Variants in DCAF8L2 observed in about 807,000 individuals in gnomAD.
DCAF8L2 encodes the protein DDB1- and CUL4-associated factor 8-like protein 2.
For missense variants in DCAF8L2, 430 were observed against 490.7 expected, an observed-to-expected ratio of 0.88 and a Z score of 1.17; for synonymous variants, 200 against 190.9, an observed-to-expected ratio of 1.05 and a Z score of -0.39.
intron 1 of DCAF8L2, among the ~76,000 whole-genome samples, chrX:27,604,352 A>C (rs1602645194): frequency 9.0e-6 from 1 of 111,197 alleles, no homozygotes; most frequent in Non-Finnish European, 1.9e-5. Context: ...AGTGCCAGCC[A>C]AGGAGAAGAT....
intron 1 of DCAF8L2, among the ~76,000 whole-genome samples, chrX:27,591,105 G>C (rs1281776571): frequency 9.4e-6 from 1 of 105,953 alleles, no homozygotes; most frequent in East Asian, 3.0e-4. Context: ...TATCATAAAT[G>C]CTGGGGGTTT....
At chrX:27,554,615 C>T in the DCAF8L2 span, among the ~76,000 whole-genome samples, 10 of 111,987 alleles carry the variant, frequency 8.9e-5, no homozygotes, top group African/African-American at 3.2e-4. Context: ...ATAAGAGAAT[C>T]ACAATTTAGA....
At position 27,748,091 on chromosome X, in the gene DCAF8L2, T is replaced by G. The variant is rs1382438084; in HGVS notation, c.1196T>G (p.Ile399Ser). 8.3e-7 allele frequency: 1 copy of G among 1,209,959 alleles called. No homozygotes were observed. Among genetic ancestry groups the G allele is most frequent in the Non-Finnish European group, 1.1e-6 (1 of 895,169 alleles). Residue 399 changes from isoleucine to serine, a missense_variant, in exon 5 of 5, where the codon ATT becomes AGT. Transcript: ENST00000451261. ...GTAAGGATTTATGACCAGAGGAAAA[T>G]TGATAAGAAAGAAAACAATGGCGTG... ...QFVRIYDQRK[I>S]DKKENNGVLK... is the part of the protein sequence containing the mutation.
At chrX:27,540,257 C>A in the DCAF8L2 span, among the ~76,000 whole-genome samples, 1 of 111,558 alleles carries the variant, frequency 9.0e-6, no homozygotes, top group African/African-American at 3.3e-5. Context: ...TTCCTTCCCT[C>A]TAAACGGTAA....
At chrX:27,569,595 G>T in the DCAF8L2 span, among the ~76,000 whole-genome samples, 117 of 112,085 alleles carry the variant, frequency 1.0e-3, no homozygotes, top group Admixed American at 1.4e-3. Context: ...TATTGACAAA[G>T]ACTGTTTAGA....
chrX:27,599,424 G>T (rs989816252), intron 1 of DCAF8L2, among the ~76,000 whole-genome samples: 3 of 111,380 alleles, frequency 2.7e-5, no homozygotes, highest in African/African-American at 9.8e-5. Flanking sequence ...TATGAAAGAT[G>T]AATAAATTCT....
At chrX:27,608,421 A>C (rs1427211994) in intron 1 of DCAF8L2, among the ~76,000 whole-genome samples, 2 of 112,155 alleles carry the variant, frequency 1.8e-5, no homozygotes, top group East Asian at 5.6e-4. Context: ...TAAAATATTT[A>C]TACTGGTAAA....
At chrX:27,682,780 GAA>G (rs11329822) in intron 3 of DCAF8L2, among the ~76,000 whole-genome samples, 1 of 106,139 alleles carries the variant, frequency 9.4e-6, no homozygotes, top group African/African-American at 3.4e-5. Flanking sequence ...TATTTCTCAA[GAA>G]AAAAAAAATC....
chrX:27,543,110 T>C, the DCAF8L2 span, among the ~76,000 whole-genome samples: 1 of 112,501 alleles, frequency 8.9e-6, no homozygotes, highest in Non-Finnish European at 1.9e-5. Context: ...AGGATTCTTA[T>C]AGTTTGTGAT....
chrX:27,481,834 T>A, the DCAF8L2 span, among the ~76,000 whole-genome samples: 1 of 112,059 alleles, frequency 8.9e-6, no homozygotes, highest in South Asian at 3.7e-4. Context: ...AAAGTCTATG[T>A]GTTAGGATGA....
chrX:27,732,334 C>T (rs887196886), intron 4 of DCAF8L2, among the ~76,000 whole-genome samples: 3 of 111,103 alleles, frequency 2.7e-5, no homozygotes, highest in African/African-American at 6.6e-5. Context: ...CTATGTATTC[C>T]GCTTTTTTTA....
chrX:27,499,166 T>C, the DCAF8L2 span, among the ~76,000 whole-genome samples: 2 of 112,538 alleles, frequency 1.8e-5, no homozygotes, highest in African/African-American at 6.5e-5. Context: ...CCATAGAGGC[T>C]GCATTAATTT....
At chrX:27,489,309 G>A in the DCAF8L2 span, among the ~76,000 whole-genome samples, 1 of 111,420 alleles carries the variant, frequency 9.0e-6, no homozygotes, top group Non-Finnish European at 1.9e-5. Context: ...GTGTTACCCA[G>A]GATGGTCTCC....
At chrX:27,592,088 G>A (rs1253753973) in intron 1 of DCAF8L2, among the ~76,000 whole-genome samples, 4 of 112,617 alleles carry the variant, frequency 3.6e-5, no homozygotes, top group Non-Finnish European at 3.8e-5. Flanking sequence ...GCTGACCACC[G>A]TGGTGAGAGA....
At chrX:27,526,856 A>C in the DCAF8L2 span, among the ~76,000 whole-genome samples, 1 of 112,476 alleles carries the variant, frequency 8.9e-6, no homozygotes, top group Non-Finnish European at 1.9e-5. Flanking sequence ...GCTGAACAGC[A>C]AATGTTGCTG....
chrX:27,558,743 G>A, the DCAF8L2 span, among the ~76,000 whole-genome samples: 3 of 104,836 alleles, frequency 2.9e-5, no homozygotes, highest in African/African-American at 1.1e-4. Context: ...ATATCTCCCA[G>A]TGCTATCCCT....
intron 3 of DCAF8L2, among the ~76,000 whole-genome samples, chrX:27,682,082 G>A (rs1930348400): frequency 9.0e-6 from 1 of 110,827 alleles, no homozygotes; most frequent in Non-Finnish European, 1.9e-5. Context: ...TCCCACCTCA[G>A]CCTCCCAGGT....
At chrX:27,741,272 T>C (rs1921236805) in intron 4 of DCAF8L2, among the ~76,000 whole-genome samples, 1 of 111,031 alleles carries the variant, frequency 9.0e-6, no homozygotes, top group Non-Finnish European at 1.9e-5. Context: ...ATTTGGATAT[T>C]TGTCCCCTCA....
chrX:27,639,063 C>T (rs951907154), intron 2 of DCAF8L2, among the ~76,000 whole-genome samples: 6 of 112,103 alleles, frequency 5.4e-5, no homozygotes, highest in Non-Finnish European at 1.1e-4. Flanking sequence ...TATATCATCA[C>T]GGGATCTCTG....
Sources: gnomAD v4.1 joint callset for allele counts (sites outside exome capture counted in the v4.1 genomes callset) on GRCh38, gnomAD v4.1.1 for gene constraint, MANE v1.5 for transcripts, NCBI Gene and HGNC (gene_info 2026-07-23, HGNC 2026-07-21) for gene names.